Variants in DKC1 observed in about 807,000 individuals in gnomAD.
DKC1 encodes dyskerin pseudouridine synthase 1, also known as H/ACA ribonucleoprotein complex subunit DKC1.
DKC1 carries 4 observed loss-of-function variants against 46.7 expected under a neutral mutation model. The observed-to-expected ratio is 0.09, with a 90% CI of 0.04 to 0.20. The LOEUF (loss-of-function observed/expected upper bound fraction) is 0.20. Among genes scored for constraint, DKC1 ranks in the 10% least tolerant of loss-of-function variants. The pLI is 1.00. For missense variants in DKC1, 171 were observed against 404.2 expected (o/e 0.42, Z 4.95); for synonymous variants, 141 against 142.4 (o/e 0.99, Z 0.07).
rs782709738 is a variant in DKC1, at chrX:154,763,131, C to G, written c.16+150C>G. On this transcript the variant is annotated intron_variant, in intron 1 of 14. Transcript: ENST00000369550. Reference sequence around the variant, plus strand: ...GCCCGGCCTTAAGCCGGCCTTGTCTCTCGGCCCTGGCTCCGTGGCAAGGGC... The same window carrying G: ...GCCCGGCCTTAAGCCGGCCTTGTCTGTCGGCCCTGGCTCCGTGGCAAGGGC... 9.6e-6 allele frequency: 7 copies of G among 731,096 alleles called. No individual in the cohort carries two copies. The South Asian group carries it at 1.4e-4, about 15-fold the overall frequency. The allele number at this position is 731,096 out of a possible 1,213,427, so 60.3% of individuals were successfully genotyped here. A position where few individuals can be genotyped will look rare whatever the true frequency, so the allele number is the denominator to read the frequency against.
At position 154,766,517 on chromosome X, in the gene DKC1, AGGATATTGTTTT is replaced by A. The variant is rs1418092236; in HGVS notation, c.448+120_448+131del. 4 of 775,447 alleles carry A rather than the reference AGGATATTGTTTT, an allele frequency of 5.2e-6. No homozygotes were observed. The African/African-American group carries it at 8.5e-5, about 17-fold the overall frequency. The allele number at this position is 775,447 out of a possible 1,213,427, so 63.9% of individuals were successfully genotyped here. On this transcript the variant is annotated intron_variant, in intron 5 of 14. Transcript: ENST00000369550. Reference sequence around the variant, plus strand: ...TAAGAAAAAAAAAAATCCTAAAGCAAGGATATTGTTTTGGTTTCTGTGTACGTTCTGTCCCCT... The same window carrying A: ...TAAGAAAAAAAAAAATCCTAAAGCAAGGTTTCTGTGTACGTTCTGTCCCCT...
intron 1 of DKC1, among the ~76,000 whole-genome samples, chrX:154,764,533 C>T (rs782540443): frequency 4.8e-4 from 54 of 111,558 alleles, no homozygotes; most frequent in Non-Finnish European, 8.7e-4. Flanking sequence ...TTTAGCTGTA[C>T]GTAAATATTT....
In DKC1 at chrX:154,776,344, G is replaced by A. The variant is rs782675825; in HGVS notation, c.1476+20G>A. ...GATGGGGTGTGTGGAAACACGTTCA[G>A]GTTCCTTGGGCTGGCTTAGTCCCTG... On this transcript the variant is annotated intron_variant, in intron 14 of 14. Transcript: ENST00000369550. 1.3e-5 allele frequency: 15 copies of A among 1,174,524 alleles called. No homozygotes were observed. The Admixed American group carries it at 3.8e-4, about 30-fold the overall frequency.
chrX:154,775,398 G>A (rs1020559181), intron 13 of DKC1, 125 bp downstream of exon 13: 33 of 670,291 alleles, frequency 4.9e-5, no homozygotes, highest in Admixed American at 3.3e-4. Context: ...GAGGTGCAGC[G>A]CATACACAGG....
At chrX:154,766,194 A>ATT in intron 4 of DKC1, 22 bp from the exon 5 acceptor site, 5 of 910,125 alleles carry the variant, frequency 5.5e-6, no homozygotes, top group Non-Finnish European at 6.0e-6. Flanking sequence ...TGATACATTA[A>ATT]TTTTTTTTTT....
rs1319455475 is a variant in DKC1 at position 154,767,346 on chromosome X, A to G, written c.604A>G (p.Ser202Gly). 8.3e-7 allele frequency: 1 copy of G among 1,210,151 alleles called. No individual in the cohort carries two copies. Among genetic ancestry groups the G allele is most frequent in the African/African-American group, 1.7e-5 (1 of 57,184 alleles). ...GCTCCGAGTGAGGACCATCTACGAG[A>G]GCAAAATGATTGAATACGATCCTGA... ...RQLRVRTIYE[S>G]KMIEYDPERR... is the part of the protein sequence containing the mutation. The change falls in exon 7 of 15, where the codon AGC (serine) becomes GGC (glycine). Residue 202 changes from serine (S) to glycine (G), a missense_variant. This residue lies in a region of DKC1 where 60 missense variants were observed against 206.5 expected (regional missense o/e 0.29). Transcript: ENST00000369550.
intron 8 of DKC1, 24 bp from the exon 9 acceptor site, chrX:154,769,143 T>C (rs782335379): frequency 8.3e-7 from 1 of 1,209,756 alleles, no homozygotes; most frequent in African/African-American, 1.7e-5. Flanking sequence ...AACTGAATTA[T>C]TTTCATACAT....
intron 12 of DKC1, 118 bp downstream of exon 12, chrX:154,774,823 C>T (rs782138713): frequency 1.9e-5 from 12 of 639,336 alleles, no homozygotes; most frequent in Middle Eastern, 3.0e-4. Flanking sequence ...GCCATCTGGA[C>T]GCAGGAGTAC....
At chrX:154,776,605 C>T (rs2071899687) in intron 14 of DKC1, among the ~76,000 whole-genome samples, 194 bp from the exon 15 acceptor site, 1 of 111,779 alleles carries the variant, frequency 8.9e-6, no homozygotes, top group African/African-American at 3.3e-5. Context: ...GTTTCCACTT[C>T]CAAAAGTAGA....
intron 1 of DKC1, among the ~76,000 whole-genome samples, chrX:154,763,799 G>T (rs2071711005): frequency 8.9e-6 from 1 of 111,834 alleles, no homozygotes; most frequent in Non-Finnish European, 1.9e-5. Context: ...GGTATTGTGC[G>T]GAATGCTGTA....
chrX:154,768,844 G>A (rs1395507154), intron 8 of DKC1: 15 of 268,074 alleles, frequency 5.6e-5, no homozygotes, highest in Non-Finnish European at 8.5e-5. Context: ...AAAATTAGCC[G>A]GGCGCGGTGG....
At position 154,763,016 on chromosome X, in the gene DKC1, C is replaced by G. The variant is rs1557263742; in HGVS notation, c.16+35C>G. 3.5e-6 allele frequency: 4 copies of G among 1,154,369 alleles called. No homozygotes were observed. The South Asian group carries it at 5.7e-5, about 16-fold the overall frequency. On this transcript the variant is annotated intron_variant, in intron 1 of 14. Coordinates refer to ENST00000369550, the MANE Select transcript of DKC1 (RefSeq NM_001363.5). Reference sequence around the variant, plus strand: ...GCAGGCTTCCGGGCCGTGCTAACTCCGGGCGACTCGGGGAACGGGGGTGGG... The same window carrying G: ...GCAGGCTTCCGGGCCGTGCTAACTCGGGGCGACTCGGGGAACGGGGGTGGG...
At chrX:154,765,082 C>A in intron 2 of DKC1, 116 bp downstream of exon 2, 1 of 645,693 alleles carries the variant, frequency 1.5e-6, no homozygotes, top group South Asian at 2.4e-5. Context: ...CATTGGTAGT[C>A]ATTGTGTAGA....
chrX:154,765,094 T>A (rs1337328561), intron 2 of DKC1, 128 bp downstream of exon 2: 3 of 583,242 alleles, frequency 5.1e-6, no homozygotes, highest in Non-Finnish European at 8.6e-6. Context: ...TTGTGTAGAT[T>A]CGAAAAAGCA....
chrX:154,768,723 C>T (rs981567692), intron 8 of DKC1: 45 of 375,452 alleles, frequency 1.2e-4, no homozygotes, highest in African/African-American at 5.9e-4. Context: ...CGGTGGCTCA[C>T]GCCTGTAATC....
intron 7 of DKC1, among the ~76,000 whole-genome samples, chrX:154,767,651 A>T (rs1394290310): frequency 1.8e-5 from 2 of 111,199 alleles, no homozygotes; most frequent in Non-Finnish European, 3.8e-5. Flanking sequence ...GCTTTGTTCA[A>T]AGGTAAGTGT....
intron 7 of DKC1, chrX:154,768,049 A>G (rs782596215): frequency 2.9e-6 from 1 of 344,658 alleles, no homozygotes; most frequent in African/African-American, 2.7e-5. Flanking sequence ...ACGGGGTTTC[A>G]CCATGTTAGC....
Position 154,770,465 on chromosome X carries a change from A to AT in DKC1, c.916-292dup, listed in dbSNP as rs1158017244. 3.9e-3 allele frequency among the ~76,000 whole-genome samples: 248 copies of AT among 64,010 alleles called. 1 individual carries two copies. Among genetic ancestry groups the AT allele is most frequent in the African/African-American group, 9.8e-3 (225 of 22,988 alleles). 55.6% of individuals were successfully genotyped at this position (64,010 alleles called of 115,157 possible). A position where few individuals can be genotyped will look rare whatever the true frequency, so the allele number is the denominator to read the frequency against. On this transcript the variant is annotated intron_variant, in intron 9 of 14. Transcript: ENST00000369550. ...CAACAGAGGGAGGTTCTGCCTGAAA[A>AT]TTAAAAAAAAAAAAAAAAAAAAAAG... is the stretch of plus-strand genomic sequence containing the variant.
At chrX:154,771,187 G>GTTT (rs35962335) in intron 10 of DKC1, among the ~76,000 whole-genome samples, 506 of 64,353 alleles carry the variant, frequency 7.9e-3, no homozygotes, top group Non-Finnish European at 9.6e-3. Flanking sequence ...TGGTGGTGGT[G>GTTT]TTTTTTTTTT....
Sources: allele counts gnomAD v4.1 joint callset (sites outside exome capture counted in the v4.1 genomes callset), GRCh38; gene constraint gnomAD v4.1.1; regional missense constraint gnomAD v4.1.1; transcripts MANE v1.5; gene names NCBI Gene and HGNC (gene_info 2026-07-23, HGNC 2026-07-21).